Variants in PDE4D observed in about 807,000 individuals in gnomAD.
PDE4D encodes the protein phosphodiesterase 4D.
In PDE4D, 24 loss-of-function variants were observed where a neutral mutation model predicts 87.4. The ratio of observed to expected loss-of-function variants is 0.27; its 90% CI spans 0.20 to 0.39. PDE4D has a LOEUF of 0.39. Ranked by LOEUF, PDE4D falls within the 10% of genes least tolerant of loss-of-function variation. The pLI is 1.00. For missense variants in PDE4D, 714 were observed against 1,041.0 expected (o/e 0.69, Z 4.32); for synonymous variants, 384 against 383.2 (o/e 1.00, Z -0.02).
At chr5:59,606,670 G>A (rs1828249234) in intron 1 of PDE4D, among the ~76,000 whole-genome samples, 1 of 152,088 alleles carries the variant, frequency 6.6e-6, no homozygotes, top group Admixed American at 6.6e-5. Flanking sequence ...AAGAGTAGAT[G>A]GAGTAATAAA....
intron 1 of PDE4D, among the ~76,000 whole-genome samples, chr5:59,499,838 A>G (rs982230578): frequency 1.3e-5 from 2 of 151,906 alleles, no homozygotes; most frequent in African/African-American, 4.8e-5. Context: ...GAATTCTACC[A>G]GACATACAAA....
At chr5:60,412,393 G>T (rs1368604352) in intron 1 of PDE4D, among the ~76,000 whole-genome samples, 1 of 152,154 alleles carries the variant, frequency 6.6e-6, no homozygotes, top group African/African-American at 2.4e-5. Context: ...TCTTTTTAGA[G>T]AGCCTTACTC....
chr5:59,695,973 T>G (rs946368831), intron 1 of PDE4D, among the ~76,000 whole-genome samples: 1 of 152,218 alleles, frequency 6.6e-6, no homozygotes, highest in Non-Finnish European at 1.5e-5. Flanking sequence ...CAACTCGACA[T>G]GTGGAAATAT....
intron 1 of PDE4D, among the ~76,000 whole-genome samples, chr5:60,236,727 T>C (rs1746475128): frequency 6.6e-6 from 1 of 151,886 alleles, no homozygotes; most frequent in Non-Finnish European, 1.5e-5. Context: ...GTAAGAATGA[T>C]ATGATATGAG....
At chr5:60,460,607 T>A (rs552339483) in intron 1 of PDE4D, 2 of 1,250,246 alleles carry the variant, frequency 1.6e-6, no homozygotes, top group African/African-American at 1.5e-5. Flanking sequence ...ATGCATTCAA[T>A]TGCTTCTTGC....
At chr5:59,523,090 G>C (rs1338426025) in intron 1 of PDE4D, among the ~76,000 whole-genome samples, 1 of 152,116 alleles carries the variant, frequency 6.6e-6, no homozygotes, top group Non-Finnish European at 1.5e-5. Context: ...TATCATTATT[G>C]ATGGCTCACT....
chr5:60,324,919 T>C (rs1420107386), intron 1 of PDE4D, among the ~76,000 whole-genome samples: 2 of 152,216 alleles, frequency 1.3e-5, no homozygotes, highest in East Asian at 3.8e-4. Context: ...TAAAGAGATC[T>C]TATTCAGACT....
rs982342092 is a variant in PDE4D, at chr5:58,971,185, G to T, written c.*3479C>A. 6.6e-6 allele frequency: 1 copy of T among 152,140 alleles called. No homozygotes were observed. The highest frequency in any genetic ancestry group is 1.9e-4 in the East Asian group (1 of 5,202). 9.4% of individuals were successfully genotyped at this position (152,140 alleles called of 1,614,324 possible). A position where few individuals can be genotyped will look rare whatever the true frequency, so the allele number is the denominator to read the frequency against. ...ATGCAGCAAAACAGAAGAAAATATT[G>T]GTTAAAGTTAAGGCACAGCCCTGGG... On this transcript the variant is annotated 3_prime_UTR_variant, in exon 15 of 15. Transcript: ENST00000340635.
chr5:59,732,118 T>C (rs1184438194), intron 1 of PDE4D, among the ~76,000 whole-genome samples: 1 of 151,984 alleles, frequency 6.6e-6, no homozygotes, highest in Non-Finnish European at 1.5e-5. Context: ...AGCAAATAAT[T>C]CCCATTTGAC....
intron 2 of PDE4D, among the ~76,000 whole-genome samples, chr5:60,057,494 C>T (rs1197717834): frequency 6.6e-6 from 1 of 151,952 alleles, no homozygotes; most frequent in Admixed American, 6.6e-5. Context: ...TCAGTTTCTC[C>T]ATTCCTCTTC....
chr5:60,164,716 A>T (rs1431681718), intron 2 of PDE4D, among the ~76,000 whole-genome samples: 2 of 152,160 alleles, frequency 1.3e-5, no homozygotes, highest in African/African-American at 4.8e-5. Flanking sequence ...TTATTCTGGG[A>T]TTCCTAAATC....
chr5:59,570,299 C>T (rs921528345), intron 1 of PDE4D, among the ~76,000 whole-genome samples: 3 of 152,126 alleles, frequency 2.0e-5, no homozygotes, highest in African/African-American at 7.2e-5. Context: ...ACTTTCTGGA[C>T]CTCTGAAAGT....
intron 2 of PDE4D, among the ~76,000 whole-genome samples, chr5:60,001,126 G>A (rs1268548922): frequency 2.0e-5 from 3 of 152,056 alleles, no homozygotes; most frequent in Non-Finnish European, 4.4e-5. Flanking sequence ...ATCTGGGGAC[G>A]GTTCTCCCTA....
At chr5:60,138,094 T>C (rs1780205491) in intron 2 of PDE4D, among the ~76,000 whole-genome samples, 1 of 152,142 alleles carries the variant, frequency 6.6e-6, no homozygotes, top group Non-Finnish European at 1.5e-5. Flanking sequence ...CAGATGGTTG[T>C]GGGTATGCAG....
At chr5:60,285,088 A>G (rs1455035716) in intron 1 of PDE4D, among the ~76,000 whole-genome samples, 4 of 151,910 alleles carry the variant, frequency 2.6e-5, no homozygotes, top group African/African-American at 9.7e-5. Context: ...TGGCTCACCT[A>G]CATCTAATTC....
At chr5:59,332,721 AG>A (rs1429150417) in intron 1 of PDE4D, among the ~76,000 whole-genome samples, 4 of 152,178 alleles carry the variant, frequency 2.6e-5, no homozygotes, top group African/African-American at 9.7e-5. Flanking sequence ...TCTGCACTCA[AG>A]ATGACCATGT....
At chr5:60,129,767 T>G (rs1301391244) in intron 2 of PDE4D, among the ~76,000 whole-genome samples, 1 of 152,244 alleles carries the variant, frequency 6.6e-6, no homozygotes, top group African/African-American at 2.4e-5. Context: ...TATTGAAGTA[T>G]AAGATCTTAG....
At chr5:59,027,458 A>G (rs1228303311) in intron 6 of PDE4D, among the ~76,000 whole-genome samples, 2 of 152,158 alleles carry the variant, frequency 1.3e-5, no homozygotes, top group Non-Finnish European at 2.9e-5. Flanking sequence ...CCTTGAGAGT[A>G]GAGTATCTAT....
At chr5:60,132,138 G>A (rs1031103499) in intron 2 of PDE4D, among the ~76,000 whole-genome samples, 9 of 152,238 alleles carry the variant, frequency 5.9e-5, no homozygotes, top group African/African-American at 2.2e-4. Flanking sequence ...AAAACCATGT[G>A]TTCTGTCAAC....
Sources: gnomAD v4.1 joint callset for allele counts (sites outside exome capture counted in the v4.1 genomes callset) on GRCh38, gnomAD v4.1.1 for gene constraint, MANE v1.5 for transcripts, NCBI Gene and HGNC (gene_info 2026-07-23, HGNC 2026-07-21) for gene names.